Variants in FAM120B observed in about 807,000 individuals in gnomAD.
FAM120B encodes the protein constitutive coactivator of peroxisome proliferator-activated receptor gamma.
Under a neutral mutation model 96.3 loss-of-function variants are expected in FAM120B, and 83 were observed. The observed-to-expected ratio is 0.86, with a 90% CI of 0.72 to 1.03. The LOEUF (loss-of-function observed/expected upper bound fraction) is 1.03. Among genes scored for constraint, FAM120B ranks in the 50% least tolerant of loss-of-function variants. The pLI is 0.00. For missense variants in FAM120B, 1,027 were observed against 1,121.2 expected, an observed-to-expected ratio of 0.92 and a Z score of 1.20; for synonymous variants, 407 against 402.7, an observed-to-expected ratio of 1.01 and a Z score of -0.13.
At chr6:170,392,374 A>C (rs1399367509) in intron 8 of FAM120B, among the ~76,000 whole-genome samples, 6 of 152,036 alleles carry the variant, frequency 3.9e-5, no homozygotes, top group Non-Finnish European at 5.9e-5. Flanking sequence ...CGCCCGGCTA[A>C]TTTTTGTATT....
intron 1 of FAM120B, among the ~76,000 whole-genome samples, chr6:170,311,363 G>A (rs911540347): frequency 3.3e-5 from 5 of 152,234 alleles, no homozygotes; most frequent in South Asian, 4.2e-4. Flanking sequence ...ACATACTGAA[G>A]GTGAGTTTTT....
In FAM120B at chr6:170,370,589, T is replaced by C. The variant is rs1230943859; in HGVS notation, c.2283+12271T>C. Among the ~76,000 whole-genome samples the C allele has an allele frequency of 6.6e-6, 1 of 152,150 alleles. No homozygotes were observed. Among genetic ancestry groups the C allele is most frequent in the Non-Finnish European group, 1.5e-5 (1 of 68,022 alleles). ...ACTCGGTAATATTACCCTCTGATCC[T>C]GTACCTGTCATTGTGGGATGTCCTA... On this transcript the variant is annotated intron_variant, in intron 6 of 10. Transcript: ENST00000476287. The surrounding 1 kb of genome is among the most constrained non-coding windows in gnomAD (Gnocchi z 4.3).
intron 6 of FAM120B, among the ~76,000 whole-genome samples, chr6:170,372,776 C>T (rs1028371416): frequency 5.9e-5 from 9 of 152,292 alleles, no homozygotes; most frequent in Non-Finnish European, 8.8e-5. Flanking sequence ...CGCTCGCTTA[C>T]GTTCTGTAAG....
Position 170,404,555 on chromosome 6 carries a change from A to T in FAM120B, c.2698A>T (p.Arg900Ter), listed in dbSNP as rs1265336749. The T allele has an allele frequency of 1.2e-6, 2 of 1,613,862 alleles. No homozygotes were observed. The highest frequency in any genetic ancestry group is 1.7e-6 in the Non-Finnish European group (2 of 1,179,888). The change falls in exon 10 of 11, where the codon AGA becomes TGA. Residue 900 changes from arginine to a stop codon, truncating the protein, a stop_gained. Transcript: ENST00000476287. LOFTEE classifies it high-confidence loss of function. ...QPWRDQGPGS[R>*]QYEHDQWRRY ...TTCATGTCTGTTTACTGCAGGAAGC[A>T]GACAGTATGAGCATGACCAGTGGAG...
intron 5 of FAM120B, among the ~76,000 whole-genome samples, chr6:170,357,111 G>A (rs1788002637): frequency 6.6e-6 from 1 of 152,158 alleles, no homozygotes; most frequent in Admixed American, 6.5e-5. Flanking sequence ...AGAAGAATCA[G>A]TGAAGTTGTT....
At chr6:170,399,250 G>C (rs28464227) in intron 9 of FAM120B, among the ~76,000 whole-genome samples, 1 of 145,904 alleles carries the variant, frequency 6.9e-6, no homozygotes. Flanking sequence ...GAGTGAGTGA[G>C]AAAGGTAGAA....
chr6:170,380,480 G>A (rs1182473126), intron 6 of FAM120B, among the ~76,000 whole-genome samples: 1 of 152,150 alleles, frequency 6.6e-6, no homozygotes, highest in Non-Finnish European at 1.5e-5. Context: ...CAGTGTACAA[G>A]GGTTCCCCTT....
At position 170,358,266 on chromosome 6, in the gene FAM120B, C is replaced by T. The variant is rs750073931; in HGVS notation, c.2231C>T (p.Ala744Val). Residue 744 changes from alanine (A) to valine (V), a missense_variant, in exon 6 of 11, where the codon GCG (alanine) becomes GTG (valine). Transcript: ENST00000476287. ...LCLEDLHAFI[A>V]QALCLQGKST... ...CTGGAGGATTTGCATGCGTTTATTGCGCAGGCCTTGTGCCTCCAAGGAAAA... is the reference window on the plus strand; with the variant it reads ...CTGGAGGATTTGCATGCGTTTATTGTGCAGGCCTTGTGCCTCCAAGGAAAA... The T allele has an allele frequency of 2.4e-5, 39 of 1,606,752 alleles. No homozygotes were observed. The highest frequency in any genetic ancestry group is 3.1e-5 in the Non-Finnish European group (37 of 1,175,332).
chr6:170,357,896 T>G (rs1562562953), intron 5 of FAM120B, among the ~76,000 whole-genome samples: 2 of 152,348 alleles, frequency 1.3e-5, no homozygotes, highest in Non-Finnish European at 1.5e-5. Context: ...CTGTGCTCTT[T>G]CCACCTGCAT....
At chr6:170,292,662 G>A (rs996259034), upstream of FAM120B, among the ~76,000 whole-genome samples, 1 of 152,240 alleles carries the variant, frequency 6.6e-6, no homozygotes, top group Non-Finnish European at 1.5e-5. This position sits in a 1 kb window ranked among gnomAD's most constrained non-coding sequence, Gnocchi z 6.6. Context: ...AACCACTGCA[G>A]CCAGAAATCT....
chr6:170,323,054 T>G (rs1785395273), intron 2 of FAM120B, 25 bp from the exon 3 acceptor site: 1 of 1,583,688 alleles, frequency 6.3e-7, no homozygotes, highest in African/African-American at 1.4e-5. Context: ...AAGGAGAAAT[T>G]CAGTTGTATT....
chr6:170,293,677 TTCC>T (rs953636316), upstream of FAM120B, among the ~76,000 whole-genome samples: 371 of 151,854 alleles, frequency 2.4e-3, 2 homozygotes, highest in African/African-American at 8.3e-3. Context: ...CCTTTTTCTT[TTCC>T]TCCTCCTCCT....
chr6:170,371,415 T>C (rs1382998197), intron 6 of FAM120B, among the ~76,000 whole-genome samples: 1 of 152,232 alleles, frequency 6.6e-6, no homozygotes, highest in African/African-American at 2.4e-5. Flanking sequence ...AACCTTTCTT[T>C]ACAAGTGTTT....
intron 6 of FAM120B, among the ~76,000 whole-genome samples, chr6:170,365,050 G>A (rs1411506955): frequency 6.6e-6 from 1 of 152,246 alleles, no homozygotes; most frequent in African/African-American, 2.4e-5. Context: ...GGGGCAGAGT[G>A]CAGAAAAGGG....
intron 8 of FAM120B, among the ~76,000 whole-genome samples, chr6:170,395,242 C>T (rs545039769): frequency 1.8e-4 from 27 of 152,154 alleles, no homozygotes; most frequent in Admixed American, 7.8e-4. Flanking sequence ...TTGCAGAGTC[C>T]GACCTCTCAC....
chr6:170,320,560 G>T (rs922873988), intron 2 of FAM120B, among the ~76,000 whole-genome samples: 2 of 152,204 alleles, frequency 1.3e-5, no homozygotes, highest in Admixed American at 6.5e-5. Flanking sequence ...GAGTACCGGC[G>T]ATGGTAGATG....
intron 6 of FAM120B, among the ~76,000 whole-genome samples, chr6:170,365,816 A>G (rs1205265872): frequency 6.7e-6 from 1 of 150,262 alleles, no homozygotes; most frequent in Non-Finnish European, 1.5e-5. Flanking sequence ...GGAATCACGG[A>G]AGGAACACAC....
intron 4 of FAM120B, among the ~76,000 whole-genome samples, chr6:170,339,573 A>G (rs1786673769): frequency 6.6e-6 from 1 of 151,712 alleles, no homozygotes; most frequent in African/African-American, 2.4e-5. Flanking sequence ...AAGTTGGGAG[A>G]TTGAGACCAT....
In FAM120B at chr6:170,322,384, A is replaced by G. The variant is rs143677167; in HGVS notation, c.1735-695A>G. On this transcript the variant is annotated intron_variant, in intron 2 of 10. Transcript: ENST00000476287. ...TGTTGGTCCTGTCTAAGGGAGGAGG[A>G]GAGGGTGACATCAGCAAACCTTAAA... Among the ~76,000 whole-genome samples the G allele has an allele frequency of 5.0e-3, 762 of 152,286 alleles. 3 individuals are homozygous for G. The highest frequency in any genetic ancestry group is 8.0e-3 in the Non-Finnish European group (544 of 68,022).
Sources: gnomAD v4.1 joint callset for allele counts (sites outside exome capture counted in the v4.1 genomes callset) on GRCh38, gnomAD v4.1.1 for gene constraint, Gnocchi (gnomAD v3.1) non-coding constraint, MANE v1.5 for transcripts, NCBI Gene and HGNC (gene_info 2026-07-23, HGNC 2026-07-21) for gene names.